Variants in DNAH5 observed in about 807,000 individuals in gnomAD.
DNAH5 encodes axonemal beta dynein heavy chain 5.
DNAH5 carries 372 observed loss-of-function variants against 518.2 expected under a neutral mutation model. That is an observed-to-expected ratio of 0.72 (90% confidence interval 0.66 to 0.78). The LOEUF (loss-of-function observed/expected upper bound fraction) is 0.78, where lower values mean the gene tolerates loss of function less well. Ranked by LOEUF, DNAH5 falls within the 30% of genes least tolerant of loss-of-function variation. The pLI is 0.00. For synonymous variants in DNAH5, 2,039 were observed against 2,025.9 expected (o/e 1.01, Z -0.17); for missense variants, 5,523 against 5,687.0 (o/e 0.97, Z 0.93).
chr5:13,780,801 T>G, intron 53 of DNAH5, 28 bp downstream of exon 53: 5 of 1,612,468 alleles, frequency 3.1e-6, no homozygotes, highest in Non-Finnish European at 4.2e-6. Flanking sequence ...AAATCCATGT[T>G]AGGTTTGTTA....
chr5:13,805,648 T>C (rs1316478704), intron 47 of DNAH5, among the ~76,000 whole-genome samples: 1 of 152,168 alleles, frequency 6.6e-6, no homozygotes, highest in Non-Finnish European at 1.5e-5. Context: ...AGGTAGCACA[T>C]CCTGAGGACA....
At chr5:13,788,386 C>T (rs1756408480) in intron 51 of DNAH5, among the ~76,000 whole-genome samples, 1 of 152,082 alleles carries the variant, frequency 6.6e-6, no homozygotes, top group African/African-American at 2.4e-5. Flanking sequence ...GCCGAGATGC[C>T]CAGCTAACTA....
At chr5:13,765,877 T>C (rs964350814) in intron 59 of DNAH5, 99 bp downstream of exon 59, 18 of 1,197,998 alleles carry the variant, frequency 1.5e-5, no homozygotes, top group Non-Finnish European at 2.2e-5. Flanking sequence ...ATCATGTATG[T>C]AGAGTAAGTT....
intron 68 of DNAH5, among the ~76,000 whole-genome samples, chr5:13,732,187 T>A (rs1746675519): frequency 6.6e-6 from 1 of 151,428 alleles, no homozygotes; most frequent in Admixed American, 6.6e-5. Flanking sequence ...CAACAGAATA[T>A]CACATTCTAG....
intron 56 of DNAH5, among the ~76,000 whole-genome samples, chr5:13,769,941 T>C (rs566237266): frequency 1.3e-5 from 2 of 152,220 alleles, no homozygotes; most frequent in South Asian, 4.1e-4. Flanking sequence ...AGACTTCAAA[T>C]GCTTAAAGCT....
chr5:13,695,797 T>C (rs985922001), intron 78 of DNAH5, among the ~76,000 whole-genome samples: 4 of 152,084 alleles, frequency 2.6e-5, no homozygotes, highest in Admixed American at 6.6e-5. Flanking sequence ...CACTTCTTTA[T>C]CTCTCAGTCT....
At position 13,859,556 on chromosome 5, in the gene DNAH5, A is replaced by G. The variant is rs1403079882; in HGVS notation, c.4846T>C (p.Ser1616Pro). Reference protein sequence around the residue: ...AQIQKWVQYLSNSTDIIESWM... With the variant: ...AQIQKWVQYLPNSTDIIESWM... ...CTCTCGATGATGTCTGTTGAGTTGGAAAGGTACTGCACCCATTTTTGAATC... is the reference window on the plus strand; with the variant it reads ...CTCTCGATGATGTCTGTTGAGTTGGGAAGGTACTGCACCCATTTTTGAATC... Residue 1616 changes from serine (S) to proline (P), a missense_variant, in exon 30 of 79, where the codon TCC becomes CCC. By Grantham distance (74) the Ser-to-Pro change is moderately conservative (BLOSUM62 -1). Coordinates refer to ENST00000265104, the MANE Select transcript of DNAH5 (RefSeq NM_001369.3). 1 of 1,614,100 alleles carries G rather than the reference A, an allele frequency of 6.2e-7. No individual in the cohort carries two copies. The highest frequency in any genetic ancestry group is 8.5e-7 in the Non-Finnish European group (1 of 1,179,948).
chr5:13,720,111 CA>C (rs70964504), intron 71 of DNAH5, among the ~76,000 whole-genome samples: 1,475 of 128,658 alleles, frequency 0.011, 13 homozygotes, highest in East Asian at 0.064. Flanking sequence ...GAAAAAACAC[CA>C]AAAAAAAAAA....
At position 13,811,744 on chromosome 5, in the gene DNAH5, C is replaced by T. The variant is rs779162658; in HGVS notation, c.7310G>A (p.Arg2437His). The T allele has an allele frequency of 6.8e-6, 11 of 1,613,866 alleles. No homozygotes were observed. Among genetic ancestry groups the T allele is most frequent in the East Asian group, 4.5e-5 (2 of 44,868 alleles). The change falls in exon 44 of 79, where the codon CGC becomes CAC. Residue 2437 changes from arginine to histidine, a missense_variant. Arg to His is a conservative substitution (Grantham distance 29). Transcript: ENST00000265104. ...GTATTCTAAGTTCTGGATACAGAAG[C>T]GATACAAGTCTGGGAAAGACTCGGT... ...LYTESFPDLY[R>H]FCIQNLEYKM... is the part of the protein sequence containing the mutation.
chr5:13,870,958 C>G lies in DNAH5; in HGVS notation c.3643G>C (p.Val1215Leu), dbSNP rs763448297. The G allele has an allele frequency of 2.0e-5, 32 of 1,613,572 alleles. No homozygotes were observed. In the East Asian group the frequency reaches 5.6e-4, roughly 28 times the overall value. Reference protein sequence around the residue: ...ALTAETKAWMVVIGRHCNKKY... With the variant: ...ALTAETKAWMLVIGRHCNKKY... The stretch of plus-strand genomic sequence containing the variant: ...TTGTTACAGTGGCGTCCAATGACAA[C>G]CATCCAGGCCTTTGTCTCAGCAGTC... The change falls in exon 24 of 79, where the codon GTT (valine) becomes CTT (leucine). Residue 1215 changes from valine to leucine, a missense_variant. Around this residue, in one of 3 missense-constraint regions of DNAH5, gnomAD observed 5,121 missense variants for 5,223.3 expected, o/e 0.98. Coordinates refer to ENST00000265104, the MANE Select transcript of DNAH5 (RefSeq NM_001369.3).
intron 47 of DNAH5, among the ~76,000 whole-genome samples, chr5:13,798,643 C>A (rs1212630236): frequency 6.7e-6 from 1 of 149,894 alleles, no homozygotes; most frequent in Non-Finnish European, 1.5e-5. Flanking sequence ...CAAAATGAGA[C>A]AAAATATAAG....
chr5:13,856,225 G>A (rs1047073168), intron 30 of DNAH5, among the ~76,000 whole-genome samples: 1 of 152,092 alleles, frequency 6.6e-6, no homozygotes, highest in African/African-American at 2.4e-5. Flanking sequence ...TTTTTGAAAA[G>A]ATCAACAAAA....
chr5:13,777,168 G>A (rs1000241725), intron 54 of DNAH5, 34 bp downstream of exon 54: 3 of 1,599,912 alleles, frequency 1.9e-6, no homozygotes, highest in African/African-American at 2.7e-5. Context: ...AAATCTGAAG[G>A]GATAAAACAC....
chr5:13,923,890 A>G (rs1777574442), intron 3 of DNAH5, among the ~76,000 whole-genome samples: 2 of 152,128 alleles, frequency 1.3e-5, no homozygotes, highest in African/African-American at 2.4e-5. Flanking sequence ...CTAAAAAAAA[A>G]CAAAAATTAG....
At chr5:13,814,467 C>T (rs1428367552) in intron 43 of DNAH5, 138 bp downstream of exon 43, 3 of 818,250 alleles carry the variant, frequency 3.7e-6, no homozygotes, top group African/African-American at 3.4e-5. Context: ...TGTCCCAGTG[C>T]ATTCAAGTAT....
intron 51 of DNAH5, 131 bp downstream of exon 51, chr5:13,788,585 T>C (rs1393138149): frequency 5.3e-6 from 4 of 758,594 alleles, no homozygotes; most frequent in Non-Finnish European, 9.2e-6. Context: ...GAGCATCTAC[T>C]GTGTCTCAGG....
Position 13,749,739 on chromosome 5 carries a change from C to T in DNAH5, c.11211+1339G>A, listed in dbSNP as rs939100000. Among the ~76,000 whole-genome samples, 9 of 152,094 alleles carry T rather than the reference C, an allele frequency of 5.9e-5. 1 individual carries two copies. Among genetic ancestry groups the T allele is most frequent in the African/African-American group, 1.2e-4 (5 of 41,410 alleles). On this transcript the variant is annotated intron_variant, in intron 65 of 78. Transcript: ENST00000265104. ...CAGTGACAGAGGTGGCCCAAAAGAC[C>T]CTCAGGAACTTCCACTTGCTCCAGG... is the stretch of plus-strand genomic sequence containing the variant.
At chr5:13,812,527 A>G (rs1232534008) in intron 43 of DNAH5, among the ~76,000 whole-genome samples, 1 of 152,150 alleles carries the variant, frequency 6.6e-6, no homozygotes, top group East Asian at 1.9e-4. Flanking sequence ...GCTAGTCTCA[A>G]ACTCCTTGCC....
In DNAH5 at chr5:13,944,680, G is replaced by A; in HGVS notation, c.-242C>T. Reference sequence around the variant, plus strand: ...GGGCCTCTCCTCTCTCTCGAAGCCTGGTGTTGTTAGGGTAATATTGTTTAT... The same window carrying A: ...GGGCCTCTCCTCTCTCTCGAAGCCTAGTGTTGTTAGGGTAATATTGTTTAT... On this transcript the variant is annotated 5_prime_UTR_variant, in exon 1 of 79. Coordinates refer to ENST00000265104, the MANE Select transcript of DNAH5 (RefSeq NM_001369.3). 2 of 548,668 alleles carry A rather than the reference G, an allele frequency of 3.6e-6. No individual in the cohort carries two copies. Among genetic ancestry groups the A allele is most frequent in the East Asian group, 3.1e-5 (1 of 31,774 alleles). 34.0% of individuals were successfully genotyped at this position (548,668 alleles called of 1,614,324 possible).
Sources: gnomAD v4.1 joint callset for allele counts (sites outside exome capture counted in the v4.1 genomes callset) on GRCh38, gnomAD v4.1.1 for gene constraint, gnomAD v4.1.1 regional missense constraint, MANE v1.5 for transcripts, NCBI Gene and HGNC (gene_info 2026-07-23, HGNC 2026-07-21) for gene names.